SHISA6: variants seen among roughly 807,000 people sequenced by gnomAD.
The protein encoded by SHISA6 is protein shisa-6.
Under a neutral mutation model 47.9 loss-of-function variants are expected in SHISA6, and 22 were observed. The ratio of observed to expected loss-of-function variants is 0.46; its 90% CI spans 0.33 to 0.66. The LOEUF (loss-of-function observed/expected upper bound fraction) is 0.66, where lower values mean the gene tolerates loss of function less well. Among genes scored for constraint, SHISA6 ranks in the 30% least tolerant of loss-of-function variants. The probability of loss-of-function intolerance (pLI) is 0.02; values close to 1 mark genes in which losing one functional copy is unlikely to be tolerated. For missense variants in SHISA6, 680 were observed against 764.6 expected, an observed-to-expected ratio of 0.89 and a Z score of 1.30; for synonymous variants, 388 against 337.8, an observed-to-expected ratio of 1.15 and a Z score of -1.63.
chr17:11,547,905 C>T (rs2071896293), intron 3 of SHISA6, among the ~76,000 whole-genome samples: 1 of 151,916 alleles, frequency 6.6e-6, no homozygotes, highest in Admixed American at 6.6e-5. Flanking sequence ...TTTAAAATGT[C>T]CAATGGATTT....
chr17:11,311,309 CA>C (rs902746153), intron 2 of SHISA6, among the ~76,000 whole-genome samples: 1 of 140,574 alleles, frequency 7.1e-6, no homozygotes. Context: ...AACCGACAAA[CA>C]AAAAAAATCA....
chr17:11,324,910 A>G (rs1024835108), intron 2 of SHISA6, among the ~76,000 whole-genome samples: 7 of 152,104 alleles, frequency 4.6e-5, no homozygotes, highest in East Asian at 1.9e-4. Flanking sequence ...CGGGTCTCCA[A>G]TCACCTGCCT....
At chr17:11,508,175 T>C (rs2071515766) in intron 3 of SHISA6, among the ~76,000 whole-genome samples, 1 of 152,262 alleles carries the variant, frequency 6.6e-6, no homozygotes, top group Non-Finnish European at 1.5e-5. Context: ...CTTTGAAATC[T>C]ACTAGCTGTG....
In SHISA6 at chr17:11,453,264, T is replaced by C. The variant is rs538285656; in HGVS notation, c.895+73755T>C. Among the ~76,000 whole-genome samples the C allele has an allele frequency of 3.3e-5, 5 of 152,270 alleles. No individual in the cohort carries two copies. The South Asian group carries it at 6.2e-4, about 19-fold the overall frequency. Reference sequence around the variant, plus strand: ...TTTCCAGGCTGACTCCAAGACAGTATTGGCCACAGAACAGACACTTGGTAG... The same window carrying C: ...TTTCCAGGCTGACTCCAAGACAGTACTGGCCACAGAACAGACACTTGGTAG... On this transcript the variant is annotated intron_variant, in intron 3 of 5. Transcript: ENST00000441885.
At chr17:11,391,377 G>A (rs1454504628) in intron 3 of SHISA6, among the ~76,000 whole-genome samples, 1 of 152,146 alleles carries the variant, frequency 6.6e-6, no homozygotes, top group African/African-American at 2.4e-5. Context: ...CGGGTTGGAG[G>A]CACAAAAATG....
chr17:11,394,080 C>A (rs990118846), intron 3 of SHISA6, among the ~76,000 whole-genome samples: 1 of 152,096 alleles, frequency 6.6e-6, no homozygotes, highest in African/African-American at 2.4e-5. Flanking sequence ...TGCTGTCTTG[C>A]CTAATGCCTG....
intron 2 of SHISA6, among the ~76,000 whole-genome samples, chr17:11,273,816 A>G (rs1908773481): frequency 6.6e-6 from 1 of 152,204 alleles, no homozygotes; most frequent in Non-Finnish European, 1.5e-5. Context: ...CACTGGCTGC[A>G]CTTCTCTTGG....
chr17:11,241,442 T>C lies in SHISA6; in HGVS notation c.20T>C (p.Leu7Pro). 8.7e-7 allele frequency: 1 copy of C among 1,155,584 alleles called. No homozygotes were observed. The allele number at this position is 1,155,584 out of a possible 1,614,324, so 71.6% of individuals were successfully genotyped here. MALRRLLLLLLLSLESL... is the reference protein window; with the variant it reads MALRRLPLLLLLSLESL... ...CCCGCCATGGCGCTGCGGCGCCTCC[T>C]GCTGCTGCTGCTGCTCTCGCTGGAG... is the stretch of plus-strand genomic sequence containing the variant. The change falls in exon 1 of 6, where the codon CTG becomes CCG. Residue 7 changes from leucine to proline, a missense_variant. Around this residue, in one of 2 missense-constraint regions of SHISA6, gnomAD observed 121 missense variants for 90.5 expected, o/e 1.34. Coordinates refer to ENST00000441885, the MANE Select transcript of SHISA6 (RefSeq NM_207386.4). This position sits in a 1 kb window ranked among gnomAD's most constrained non-coding sequence, Gnocchi z 5.5.
intron 3 of SHISA6, among the ~76,000 whole-genome samples, chr17:11,397,503 A>G (rs867534802): frequency 2.0e-4 from 31 of 151,872 alleles, no homozygotes; most frequent in Admixed American, 1.6e-3. Flanking sequence ...ATCTTCCAAC[A>G]GATTGCTCAA....
intron 3 of SHISA6, among the ~76,000 whole-genome samples, chr17:11,391,947 C>T (rs185635110): frequency 1.1e-3 from 161 of 152,210 alleles, no homozygotes; most frequent in African/African-American, 3.8e-3. Context: ...TCCTTGTTTA[C>T]CAGTAATAAG....
Position 11,350,875 on chromosome 17 carries a change from A to T in SHISA6, c.800-28539A>T, listed in dbSNP as rs192798204. 2.0e-3 allele frequency among the ~76,000 whole-genome samples: 299 copies of T among 152,320 alleles called. 1 individual carries two copies. Among genetic ancestry groups the T allele is most frequent in the Non-Finnish European group, 3.5e-3 (237 of 68,024 alleles). ...TATTGCAGCACTGTTTACAATAGCG[A>T]AGACTTGGAACCAACCCAAATGCCC... On this transcript the variant is annotated intron_variant, in intron 2 of 5. Transcript: ENST00000441885.
chr17:11,304,828 C>T (rs1157993808), intron 2 of SHISA6, among the ~76,000 whole-genome samples: 1 of 152,086 alleles, frequency 6.6e-6, no homozygotes, highest in Non-Finnish European at 1.5e-5. Flanking sequence ...GGCTCGGTGC[C>T]AGGCAGGTCT....
At chr17:11,332,130 T>C (rs1911142000) in intron 2 of SHISA6, among the ~76,000 whole-genome samples, 1 of 149,948 alleles carries the variant, frequency 6.7e-6, no homozygotes, top group Non-Finnish European at 1.5e-5. Flanking sequence ...GATTCAATTA[T>C]CCAAGCACCA....
intron 3 of SHISA6, among the ~76,000 whole-genome samples, chr17:11,530,447 A>T (rs2071722613): frequency 6.6e-6 from 1 of 152,198 alleles, no homozygotes; most frequent in Non-Finnish European, 1.5e-5. Flanking sequence ...AAATACACAC[A>T]CACTTCTTTT....
At chr17:11,281,390 T>G (rs1405152368) in intron 2 of SHISA6, among the ~76,000 whole-genome samples, 2 of 152,198 alleles carry the variant, frequency 1.3e-5, no homozygotes, top group African/African-American at 4.8e-5. Context: ...AAGTGCATCT[T>G]TTGTATCTGT....
intron 3 of SHISA6, among the ~76,000 whole-genome samples, chr17:11,423,316 G>T (rs928812200): frequency 7.5e-6 from 1 of 133,240 alleles, no homozygotes; most frequent in African/African-American, 2.8e-5. Context: ...ATATATGCCT[G>T]TAACATATAT....
At chr17:11,539,469 T>C (rs1189215782) in intron 3 of SHISA6, among the ~76,000 whole-genome samples, 1 of 152,178 alleles carries the variant, frequency 6.6e-6, no homozygotes, top group Non-Finnish European at 1.5e-5. Context: ...CAAACATCAA[T>C]ACATGCAAAC....
At chr17:11,490,361 G>A (rs1236211858) in intron 3 of SHISA6, among the ~76,000 whole-genome samples, 1 of 152,116 alleles carries the variant, frequency 6.6e-6, no homozygotes, top group Non-Finnish European at 1.5e-5. Flanking sequence ...GAAAAATGAA[G>A]GAGAAGCAGG....
intron 2 of SHISA6, among the ~76,000 whole-genome samples, chr17:11,371,826 C>A (rs1243601395): frequency 6.6e-6 from 1 of 151,920 alleles, no homozygotes; most frequent in African/African-American, 2.4e-5. Flanking sequence ...TTAGAATATT[C>A]AAAAATTAAA....
Sources: gnomAD v4.1 joint callset for allele counts (sites outside exome capture counted in the v4.1 genomes callset) on GRCh38, gnomAD v4.1.1 for gene constraint, gnomAD v4.1.1 regional missense constraint, Gnocchi (gnomAD v3.1) non-coding constraint, MANE v1.5 for transcripts, NCBI Gene and HGNC (gene_info 2026-07-23, HGNC 2026-07-21) for gene names.